Variants in UBASH3B observed in about 807,000 individuals in gnomAD.
UBASH3B encodes ubiquitin-associated and SH3 domain-containing protein B.
In UBASH3B, 37 loss-of-function variants were observed where a neutral mutation model predicts 83.4. That is an observed-to-expected ratio of 0.44 (90% CI 0.34 to 0.58). UBASH3B has a LOEUF of 0.58. Among genes scored for constraint, UBASH3B ranks in the 20% least tolerant of loss-of-function variants. UBASH3B has a pLI of 0.01. For synonymous variants in UBASH3B, 304 were observed against 318.3 expected (o/e 0.96, Z 0.48); for missense variants, 657 against 827.2 (o/e 0.79, Z 2.52).
intron 1 of UBASH3B, among the ~76,000 whole-genome samples, chr11:122,720,407 C>T (rs1860604252): frequency 6.6e-6 from 1 of 152,216 alleles, no homozygotes; most frequent in African/African-American, 2.4e-5. Flanking sequence ...CCAAACTGGT[C>T]TCCCTGTTTT....
In UBASH3B at chr11:122,771,397, C is replaced by T. The variant is rs61276447; in HGVS notation, c.162-4822C>T. 2.5e-3 allele frequency among the ~76,000 whole-genome samples: 380 copies of T among 152,212 alleles called. 1 individual carries two copies. Among genetic ancestry groups the T allele is most frequent in the African/African-American group, 8.7e-3 (361 of 41,548 alleles). ...ACAGGCACCCACCACCACGCCACCA[C>T]GCCCGGCTAATTTTTGTATTTTTAG... is the stretch of plus-strand genomic sequence containing the variant. On this transcript the variant is annotated intron_variant, in intron 1 of 13. Transcript: ENST00000284273.
Position 122,655,994 on chromosome 11 carries a change from C to A in UBASH3B, c.-56C>A. On this transcript the variant is annotated 5_prime_UTR_variant, in exon 1 of 14. Transcript: ENST00000284273. ...CCCTGGCCCAGCCCGACTCCCTCCT[C>A]CTTCCCGAACCATCCGGCTCGGGCT... The A allele has an allele frequency of 7.0e-7, 1 of 1,434,348 alleles. No individual in the cohort carries two copies. The highest frequency in any genetic ancestry group is 9.2e-7 in the Non-Finnish European group (1 of 1,082,712). The allele number at this position is 1,434,348 out of a possible 1,614,324, so 88.9% of individuals were successfully genotyped here.
intron 1 of UBASH3B, among the ~76,000 whole-genome samples, chr11:122,669,358 T>G (rs529726270): frequency 3.9e-5 from 6 of 152,170 alleles, no homozygotes; most frequent in Non-Finnish European, 7.4e-5. Context: ...GCCCTCCTCA[T>G]CATCATCACC....
intron 1 of UBASH3B, among the ~76,000 whole-genome samples, chr11:122,686,379 T>C (rs1389711700): frequency 1.3e-5 from 2 of 152,218 alleles, no homozygotes; most frequent in Non-Finnish European, 2.9e-5. Flanking sequence ...GGTACAATTA[T>C]TCTGAGAGGA....
Position 122,674,873 on chromosome 11 carries a change from C to T in UBASH3B, c.161+18663C>T, listed in dbSNP as rs540266645. Among the ~76,000 whole-genome samples the T allele has an allele frequency of 3.9e-5, 6 of 151,998 alleles. No homozygotes were observed. In the South Asian group the frequency reaches 8.3e-4, roughly 21 times the overall value. On this transcript the variant is annotated intron_variant, in intron 1 of 13. Transcript: ENST00000284273. The stretch of plus-strand genomic sequence containing the variant: ...CCTCCTGAGGAGCTGGGATTACAGG[C>T]GTGCACCATCATACCCGGCTAATTT...
chr11:122,805,078 G>A (rs545016557), intron 11 of UBASH3B, among the ~76,000 whole-genome samples: 1 of 152,270 alleles, frequency 6.6e-6, no homozygotes, highest in African/African-American at 2.4e-5. Context: ...ACCTGGGACT[G>A]GGCAATTTAC....
At position 122,664,597 on chromosome 11, in the gene UBASH3B, CT is replaced by C. The variant is rs199852173; in HGVS notation, c.161+8388del. ...GGCAGTGATCGCAGTCCTCTGGACC[CT>C]CTGCCCGGGGCCCTCGGTATGTGAT... On this transcript the variant is annotated intron_variant, in intron 1 of 13. Transcript: ENST00000284273. Among the ~76,000 whole-genome samples the C allele has an allele frequency of 3.9e-3, 595 of 151,800 alleles. 4 individuals carry two copies. The highest frequency in any genetic ancestry group is 0.013 in the African/African-American group (556 of 41,280).
intron 1 of UBASH3B, chr11:122,774,007 C>T (rs189676310): frequency 1.0e-6 from 1 of 985,226 alleles, no homozygotes; most frequent in Admixed American, 6.1e-5. Context: ...AGATTCTAAC[C>T]TCTAAAAGGT....
Position 122,765,229 on chromosome 11 carries a change from C to T in UBASH3B, c.162-10990C>T, listed in dbSNP as rs144256788. ...GGGCACAGGCCCTAAGACAGAGAGG[C>T]AGTGAAATTTTCAATATCCTCAAGT... On this transcript the variant is annotated intron_variant, in intron 1 of 13. Transcript: ENST00000284273. Among the ~76,000 whole-genome samples, 756 of 152,308 alleles carry T rather than the reference C, an allele frequency of 5.0e-3. 7 individuals are homozygous for T. Among genetic ancestry groups the T allele is most frequent in the African/African-American group, 0.017 (705 of 41,576 alleles).
At chr11:122,766,475 G>T (rs1405320092) in intron 1 of UBASH3B, among the ~76,000 whole-genome samples, 1 of 152,232 alleles carries the variant, frequency 6.6e-6, no homozygotes, top group Admixed American at 6.5e-5. Context: ...AACCCGGGAG[G>T]CGGAGCTTGC....
intron 1 of UBASH3B, among the ~76,000 whole-genome samples, chr11:122,765,160 A>G (rs1396544157): frequency 6.6e-6 from 1 of 151,818 alleles, no homozygotes; most frequent in Admixed American, 6.6e-5. Flanking sequence ...TCTTTGGAAG[A>G]TAAGAAGGAA....
intron 1 of UBASH3B, among the ~76,000 whole-genome samples, chr11:122,723,949 C>A (rs915350645): frequency 6.6e-6 from 1 of 152,170 alleles, no homozygotes; most frequent in Non-Finnish European, 1.5e-5. Flanking sequence ...CTAGCTGGTT[C>A]TGTGTCATTG....
chr11:122,770,380 C>T (rs1860621585), intron 1 of UBASH3B, among the ~76,000 whole-genome samples: 1 of 151,990 alleles, frequency 6.6e-6, no homozygotes. Context: ...GAACTCTCTT[C>T]TGAAGGCATA....
At chr11:122,790,095 C>G (rs187856207) in intron 6 of UBASH3B, among the ~76,000 whole-genome samples, 209 of 152,348 alleles carry the variant, frequency 1.4e-3, no homozygotes, top group African/African-American at 4.8e-3. Context: ...TGTTTTTCTC[C>G]CACTTGTTTT....
At chr11:122,744,137 C>T (rs1187073433) in intron 1 of UBASH3B, among the ~76,000 whole-genome samples, 2 of 152,178 alleles carry the variant, frequency 1.3e-5, no homozygotes, top group Non-Finnish European at 2.9e-5. Context: ...TTCACCAGCA[C>T]CTCCCCTTCC....
intron 1 of UBASH3B, among the ~76,000 whole-genome samples, chr11:122,772,166 G>A (rs1355583246): frequency 2.0e-5 from 3 of 152,240 alleles, no homozygotes; most frequent in Non-Finnish European, 2.9e-5. Flanking sequence ...GTAGCTTGGT[G>A]TACAATTTGA....
rs774770395 is a variant in UBASH3B, at chr11:122,808,214, G to GTCAGTACAGT, written c.1812+39_1812+40insCAGTACAGTT. On this transcript the variant is annotated intron_variant, in intron 13 of 13. Coordinates refer to ENST00000284273, the MANE Select transcript of UBASH3B (RefSeq NM_032873.5). ...CGTACTTTGGGGTCCGTGATGGCTA[G>GTCAGTACAGT]TAGTTTGAAGTCAGTACAGTGACTG... is the stretch of plus-strand genomic sequence containing the variant. The GTCAGTACAGT allele has an allele frequency of 2.3e-4, 343 of 1,506,828 alleles. 1 individual carries two copies. In the Middle Eastern group the frequency reaches 4.1e-3, roughly 18 times the overall value. 93.3% of individuals were successfully genotyped at this position (1,506,828 alleles called of 1,614,324 possible). A position where few individuals can be genotyped will look rare whatever the true frequency, so the allele number is the denominator to read the frequency against.
chr11:122,777,728 T>TTTG (rs1010601234), intron 3 of UBASH3B, among the ~76,000 whole-genome samples: 1 of 152,068 alleles, frequency 6.6e-6, no homozygotes, highest in African/African-American at 2.4e-5. Context: ...CTGACCAATT[T>TTTG]TTGTTGTTGT....
chr11:122,801,984 A>G (rs570891673), intron 11 of UBASH3B, among the ~76,000 whole-genome samples: 1 of 152,232 alleles, frequency 6.6e-6, no homozygotes, highest in East Asian at 1.9e-4. Flanking sequence ...GTGTTTGTTG[A>G]TTGCTTACAG....
Sources: allele counts gnomAD v4.1 joint callset (sites outside exome capture counted in the v4.1 genomes callset), GRCh38; gene constraint gnomAD v4.1.1; transcripts MANE v1.5; gene names NCBI Gene and HGNC (gene_info 2026-07-23, HGNC 2026-07-21).